Variants in GRAMD4 observed in about 807,000 individuals in gnomAD.
The protein encoded by GRAMD4 is GRAM domain-containing protein 4.
Under a neutral mutation model 83.9 loss-of-function variants are expected in GRAMD4, and 25 were observed. That is an observed-to-expected ratio of 0.30 (90% confidence interval 0.22 to 0.42). The LOEUF (loss-of-function observed/expected upper bound fraction) is 0.42. Ranked by LOEUF, GRAMD4 falls within the 10% of genes least tolerant of loss-of-function variation. The probability of loss-of-function intolerance (pLI) is 1.00; values close to 1 mark genes in which losing one functional copy is unlikely to be tolerated. For synonymous variants in GRAMD4, 336 were observed against 320.9 expected (o/e 1.05, Z -0.50); for missense variants, 593 against 788.7 (o/e 0.75, Z 2.97).
intron 14 of GRAMD4, 64 bp downstream of exon 14, chr22:46,673,061 GC>G: frequency 7.5e-7 from 1 of 1,327,616 alleles, no homozygotes; most frequent in Non-Finnish European, 1.0e-6. Flanking sequence ...GCATCCCCAG[GC>G]CCACAGTGCT....
intron 3 of GRAMD4, among the ~76,000 whole-genome samples, chr22:46,647,283 A>G (rs182107363): frequency 9.2e-5 from 14 of 152,332 alleles, no homozygotes; most frequent in Admixed American, 8.5e-4. Context: ...CTAGGAAAAA[A>G]TGAAGTTGGC....
intron 13 of GRAMD4, among the ~76,000 whole-genome samples, chr22:46,670,238 G>T (rs2082481677): frequency 6.6e-6 from 1 of 152,252 alleles, no homozygotes. Flanking sequence ...ACGCAAGCCC[G>T]ACCCTAGCCC....
chr22:46,628,354 C>A (rs929354248), intron 2 of GRAMD4, among the ~76,000 whole-genome samples: 1 of 152,100 alleles, frequency 6.6e-6, no homozygotes, highest in African/African-American at 2.4e-5. Flanking sequence ...CCTCTGTGGC[C>A]GGGCCAAGCA....
chr22:46,657,525 A>C (rs1482202892), intron 3 of GRAMD4, among the ~76,000 whole-genome samples: 1 of 152,164 alleles, frequency 6.6e-6, no homozygotes, highest in African/African-American at 2.4e-5. Flanking sequence ...TCAGTCTTCC[A>C]GTCTCTCCGA....
chr22:46,667,257 A>G (rs1314946740), intron 10 of GRAMD4, among the ~76,000 whole-genome samples: 2 of 152,092 alleles, frequency 1.3e-5, no homozygotes, highest in African/African-American at 2.4e-5. Flanking sequence ...TCTGAGATTC[A>G]AGAGCCCACC....
intron 1 of GRAMD4, among the ~76,000 whole-genome samples, chr22:46,591,832 CAAAAAAA>C (rs34868206): frequency 6.9e-4 from 26 of 37,432 alleles, no homozygotes; most frequent in Admixed American, 1.4e-3. Flanking sequence ...GACTCTGTCT[CAAAAAAA>C]AAAAAAAAAA....
At position 46,632,887 on chromosome 22, in the gene GRAMD4, G is replaced by A. The variant is rs544779577; in HGVS notation, c.163-4953G>A. 7.2e-5 allele frequency among the ~76,000 whole-genome samples: 11 copies of A among 152,320 alleles called. No individual in the cohort carries two copies. The South Asian group carries it at 1.2e-3, about 17-fold the overall frequency. Reference sequence around the variant, plus strand: ...TGCTGGGGAGGGTGCTGGGCGTGGCGGAGTTGAATTTTCCGCCTCTGCACT... The same window carrying A: ...TGCTGGGGAGGGTGCTGGGCGTGGCAGAGTTGAATTTTCCGCCTCTGCACT... On this transcript the variant is annotated intron_variant, in intron 2 of 18. Coordinates refer to ENST00000406902, the MANE Select transcript of GRAMD4 (RefSeq NM_015124.5).
At chr22:46,677,063 G>A (rs745494166) in intron 18 of GRAMD4, 84 bp from the exon 19 acceptor site, 51 of 1,523,300 alleles carry the variant, frequency 3.3e-5, no homozygotes, top group Non-Finnish European at 4.4e-5. Context: ...CTGGCCTGGG[G>A]CTGGTGTTGG....
At chr22:46,582,806 G>C (rs2081111103) in intron 1 of GRAMD4, among the ~76,000 whole-genome samples, 1 of 152,234 alleles carries the variant, frequency 6.6e-6, no homozygotes, top group South Asian at 2.1e-4. Flanking sequence ...CGGACTTCTA[G>C]TACATTCACC....
chr22:46,661,472 G>A, intron 5 of GRAMD4, 30 bp downstream of exon 5: 1 of 1,536,218 alleles, frequency 6.5e-7, no homozygotes, highest in South Asian at 1.1e-5. Context: ...TGGACAGGCA[G>A]GCGGGCGGGT....
chr22:46,637,883 T>G lies in GRAMD4; in HGVS notation c.206T>G (p.Phe69Cys). 1 of 1,614,042 alleles carries G rather than the reference T, an allele frequency of 6.2e-7. No homozygotes were observed. The highest frequency in any genetic ancestry group is 8.5e-7 in the Non-Finnish European group (1 of 1,179,880). Residue 69 changes from phenylalanine (F) to cysteine (C), a missense_variant, in exon 3 of 19, where the codon TTT becomes TGT. Physicochemically the swap from Phe to Cys is radical, Grantham distance 205 (BLOSUM62 -2). This residue lies in a region of GRAMD4 where 312 missense variants were observed against 350.7 expected (regional missense o/e 0.89). Transcript: ENST00000406902. The stretch of plus-strand genomic sequence containing the variant: ...ATCATGGCCACAGGAGTCCAGGACT[T>G]TAACCGGACAGAGTTTGATCGACTG... ...TLIMATGVQDFNRTEFDRLNE... is the reference protein window; with the variant it reads ...TLIMATGVQDCNRTEFDRLNE...
At chr22:46,577,337 G>A (rs2081051571) in intron 1 of GRAMD4, 2 of 977,108 alleles carry the variant, frequency 2.0e-6, no homozygotes, top group Non-Finnish European at 2.4e-6. Context: ...TGGTTGCCCC[G>A]CGACCACTCT....
At chr22:46,648,704 A>T (rs1257254854) in intron 3 of GRAMD4, among the ~76,000 whole-genome samples, 1 of 148,230 alleles carries the variant, frequency 6.7e-6, no homozygotes, top group Non-Finnish European at 1.5e-5. Context: ...GGATGCATGG[A>T]TGGATGGATG....
intron 3 of GRAMD4, among the ~76,000 whole-genome samples, chr22:46,640,170 C>T (rs907197843): frequency 2.0e-5 from 3 of 152,238 alleles, no homozygotes; most frequent in Non-Finnish European, 2.9e-5. Flanking sequence ...TCCGCTGAAC[C>T]TCACGAATTG....
At position 46,653,000 on chromosome 22, in the gene GRAMD4, G is replaced by A. The variant is rs1445636329; in HGVS notation, c.284-5187G>A. 3.3e-5 allele frequency among the ~76,000 whole-genome samples: 5 copies of A among 152,300 alleles called. No individual in the cohort carries two copies. The East Asian group carries it at 5.8e-4, about 18-fold the overall frequency. ...GGCGTGTGATCATCATTTCAGTTTCGGGAGAGACAGCAGCTTGGCCTTGCA... is the reference window on the plus strand; with the variant it reads ...GGCGTGTGATCATCATTTCAGTTTCAGGAGAGACAGCAGCTTGGCCTTGCA... On this transcript the variant is annotated intron_variant, in intron 3 of 18. Coordinates refer to ENST00000406902, the MANE Select transcript of GRAMD4 (RefSeq NM_015124.5).
intron 1 of GRAMD4, among the ~76,000 whole-genome samples, chr22:46,603,966 G>A (rs1026347205): frequency 1.3e-5 from 2 of 152,172 alleles, no homozygotes; most frequent in African/African-American, 4.8e-5. Flanking sequence ...AATTTATTTT[G>A]GGAAGGTGTG....
rs549218177 is a variant in GRAMD4, at chr22:46,622,885, C to T, written c.-50+2320C>T. 4.5e-4 allele frequency among the ~76,000 whole-genome samples: 67 copies of T among 147,994 alleles called. No homozygotes were observed. The highest frequency in any genetic ancestry group is 1.6e-3 in the African/African-American group (64 of 39,766). ...CGAGATCACGCCACTGCACTCCAGCCTGGGCGACAGAGCAAGACTCCATCT... is the reference window on the plus strand; with the variant it reads ...CGAGATCACGCCACTGCACTCCAGCTTGGGCGACAGAGCAAGACTCCATCT... On this transcript the variant is annotated intron_variant, in intron 1 of 18. Coordinates refer to ENST00000406902, the MANE Select transcript of GRAMD4 (RefSeq NM_015124.5). This position sits in a 1 kb window ranked among gnomAD's most constrained non-coding sequence, Gnocchi z 4.0.
intron 3 of GRAMD4, among the ~76,000 whole-genome samples, chr22:46,643,511 A>G (rs2147254320): frequency 6.6e-6 from 1 of 152,368 alleles, no homozygotes; most frequent in East Asian, 1.9e-4. Context: ...GGAAATTAAC[A>G]TTGATACAAT....
intron 10 of GRAMD4, 118 bp from the exon 11 acceptor site, chr22:46,667,978 C>G: frequency 1.4e-6 from 1 of 704,684 alleles, no homozygotes. Flanking sequence ...TCCCATCCCC[C>G]CTGGCTGTGT....
Sources: gnomAD v4.1 joint callset for allele counts (sites outside exome capture counted in the v4.1 genomes callset) on GRCh38, gnomAD v4.1.1 for gene constraint, gnomAD v4.1.1 regional missense constraint, Gnocchi (gnomAD v3.1) non-coding constraint, MANE v1.5 for transcripts, NCBI Gene and HGNC (gene_info 2026-07-23, HGNC 2026-07-21) for gene names.